ARHGAP24: variants seen among roughly 807,000 people sequenced by gnomAD.
ARHGAP24 encodes the protein Rho GTPase activating protein 24.
ARHGAP24 carries 50 observed loss-of-function variants against 76.4 expected under a neutral mutation model. The ratio of observed to expected loss-of-function variants is 0.65; its 90% CI spans 0.52 to 0.83. ARHGAP24 has a LOEUF of 0.83. ARHGAP24 is among the 40% of genes least tolerant of loss of function. The pLI is 0.00. For missense variants in ARHGAP24, 930 were observed against 914.2 expected, an observed-to-expected ratio of 1.02 and a Z score of -0.22; for synonymous variants, 345 against 323.3, an observed-to-expected ratio of 1.07 and a Z score of -0.72.
At chr4:85,882,094 G>A (rs1377652705) in intron 3 of ARHGAP24, among the ~76,000 whole-genome samples, 3 of 152,122 alleles carry the variant, frequency 2.0e-5, no homozygotes, top group Non-Finnish European at 4.4e-5. Flanking sequence ...TGTATTCAAT[G>A]AAGTTCTTAG....
intron 3 of ARHGAP24, among the ~76,000 whole-genome samples, chr4:85,889,934 A>G (rs1035216968): frequency 2.6e-5 from 4 of 151,904 alleles, no homozygotes; most frequent in Non-Finnish European, 5.9e-5. Context: ...TCTTTTTTTA[A>G]TTGCCTCTTT....
intron 2 of ARHGAP24, among the ~76,000 whole-genome samples, chr4:85,638,742 T>C (rs747182676): frequency 2.0e-5 from 3 of 152,170 alleles, no homozygotes; most frequent in Non-Finnish European, 4.4e-5. Context: ...CATGGGTAGA[T>C]ACGGGATATC....
At chr4:85,698,318 A>T (rs1723944643) in intron 2 of ARHGAP24, among the ~76,000 whole-genome samples, 1 of 152,040 alleles carries the variant, frequency 6.6e-6, no homozygotes, top group South Asian at 2.1e-4. Flanking sequence ...AAAGAGTGGG[A>T]GCTGGGGGAC....
At chr4:85,902,296 A>G (rs1022112201) in intron 3 of ARHGAP24, among the ~76,000 whole-genome samples, 1 of 152,202 alleles carries the variant, frequency 6.6e-6, no homozygotes, top group African/African-American at 2.4e-5. Context: ...AAATCTCTAT[A>G]AAGATCAGAT....
chr4:85,681,479 C>T (rs1448324765), intron 2 of ARHGAP24, among the ~76,000 whole-genome samples: 1 of 152,184 alleles, frequency 6.6e-6, no homozygotes, highest in Admixed American at 6.6e-5. Flanking sequence ...CCACTTCCCT[C>T]CCAGGGCTCC....
chr4:85,915,488 G>A (rs1202818665), intron 3 of ARHGAP24, among the ~76,000 whole-genome samples: 2 of 152,090 alleles, frequency 1.3e-5, no homozygotes, highest in South Asian at 4.1e-4. Context: ...TGTTACATAG[G>A]TATACACGTG....
intron 1 of ARHGAP24, among the ~76,000 whole-genome samples, chr4:85,499,272 A>T (rs947432762): frequency 6.6e-6 from 1 of 152,254 alleles, no homozygotes; most frequent in African/African-American, 2.4e-5. Context: ...AAGGGCATTG[A>T]TGATAGGTTT....
intron 4 of ARHGAP24, among the ~76,000 whole-genome samples, chr4:85,936,529 G>A (rs542779534): frequency 3.3e-5 from 5 of 152,024 alleles, no homozygotes; most frequent in African/African-American, 9.6e-5. Context: ...TCATAGGATA[G>A]ATATATAGTA....
At chr4:85,543,286 T>TAAC (rs1725781617) in intron 1 of ARHGAP24, among the ~76,000 whole-genome samples, 1 of 152,194 alleles carries the variant, frequency 6.6e-6, no homozygotes, top group African/African-American at 2.4e-5. Context: ...GTTTCAGAAG[T>TAAC]ATCGGCCTGG....
chr4:85,483,669 G>A (rs910119477), intron 1 of ARHGAP24, among the ~76,000 whole-genome samples: 6 of 151,836 alleles, frequency 4.0e-5, no homozygotes, highest in Non-Finnish European at 7.4e-5. Flanking sequence ...AATAAAAATT[G>A]TTTCATATGT....
chr4:85,866,865 C>T (rs1732228168), intron 3 of ARHGAP24, among the ~76,000 whole-genome samples: 1 of 152,108 alleles, frequency 6.6e-6, no homozygotes, highest in South Asian at 2.1e-4. Flanking sequence ...TAGTTGGCTG[C>T]ATCCTGGAAG....
chr4:85,612,527 C>T (rs1311513752), intron 2 of ARHGAP24, among the ~76,000 whole-genome samples: 1 of 147,478 alleles, frequency 6.8e-6, no homozygotes, highest in Non-Finnish European at 1.5e-5. Context: ...TATTCTTCAC[C>T]CATGAATAAA....
In ARHGAP24 at chr4:85,939,627, C is replaced by T. The variant is rs1405087024; in HGVS notation, c.392-2439C>T. On this transcript the variant is annotated intron_variant, in intron 4 of 9. Coordinates refer to ENST00000395184, the MANE Select transcript of ARHGAP24 (RefSeq NM_001025616.3). ...TATTATAAAGGCAAACCTGCATGTA[C>T]AAGAAAGTAAAAAGGAAACCGAATT... Among the ~76,000 whole-genome samples, 5 of 151,982 alleles carry T rather than the reference C, an allele frequency of 3.3e-5. No individual in the cohort carries two copies. The East Asian group carries it at 9.6e-4, about 29-fold the overall frequency.
chr4:85,638,254 G>T (rs1040788643), intron 2 of ARHGAP24, among the ~76,000 whole-genome samples: 8 of 152,108 alleles, frequency 5.3e-5, no homozygotes, highest in African/African-American at 1.2e-4. Context: ...CACATTTAAT[G>T]ATACTTATTA....
chr4:85,513,253 C>T (rs999479303), intron 1 of ARHGAP24, among the ~76,000 whole-genome samples: 1 of 152,076 alleles, frequency 6.6e-6, no homozygotes, highest in African/African-American at 2.4e-5. Flanking sequence ...GTGGCCAAAC[C>T]TTCAGTGGAC....
At chr4:85,931,425 T>C (rs1308743949) in intron 4 of ARHGAP24, among the ~76,000 whole-genome samples, 1 of 152,152 alleles carries the variant, frequency 6.6e-6, no homozygotes, top group Non-Finnish European at 1.5e-5. Flanking sequence ...CAAATCCCTG[T>C]GCTGTGTTCC....
At chr4:85,942,653 A>T (rs1418335467) in intron 5 of ARHGAP24, among the ~76,000 whole-genome samples, 1 of 152,184 alleles carries the variant, frequency 6.6e-6, no homozygotes, top group Non-Finnish European at 1.5e-5. Flanking sequence ...AATATTGGCA[A>T]TGTAATTAAA....
intron 3 of ARHGAP24, among the ~76,000 whole-genome samples, chr4:85,900,947 A>G (rs1190020035): frequency 6.6e-6 from 1 of 152,196 alleles, no homozygotes; most frequent in Non-Finnish European, 1.5e-5. Context: ...CACACAACTG[A>G]TGCTGTCTTA....
intron 3 of ARHGAP24, among the ~76,000 whole-genome samples, chr4:85,798,430 T>C (rs1728453552): frequency 2.0e-5 from 3 of 152,016 alleles, no homozygotes. Context: ...CTTTTTGGAG[T>C]GATCAGACAG....
Sources: allele counts gnomAD v4.1 joint callset (sites outside exome capture counted in the v4.1 genomes callset), GRCh38; gene constraint gnomAD v4.1.1; transcripts MANE v1.5; gene names NCBI Gene and HGNC (gene_info 2026-07-23, HGNC 2026-07-21).